CSMD1: variants seen among roughly 807,000 people sequenced by gnomAD.
CSMD1 encodes the protein CUB and sushi domain-containing protein 1.
A neutral mutation model predicts 417.5 loss-of-function variants in CSMD1; 213 were observed. That is an observed-to-expected ratio of 0.51 (90% CI 0.46 to 0.57). The LOEUF (loss-of-function observed/expected upper bound fraction) is 0.57. CSMD1 is among the 20% of genes least tolerant of loss of function. The pLI is 0.00. For synonymous variants in CSMD1, 2,862 were observed against 1,736.8 expected, an observed-to-expected ratio of 1.65 and a Z score of -16.11; for missense variants, 6,923 against 4,529.7, an observed-to-expected ratio of 1.53 and a Z score of -15.17.
chr8:3,501,569 G>A (rs960874475), intron 10 of CSMD1, among the ~76,000 whole-genome samples: 1 of 152,096 alleles, frequency 6.6e-6, no homozygotes, highest in African/African-American at 2.4e-5. Context: ...AAATTAATGG[G>A]TTAGAAATGA....
intron 1 of CSMD1, among the ~76,000 whole-genome samples, chr8:4,695,470 C>T (rs1440307229): frequency 6.6e-6 from 1 of 152,240 alleles, no homozygotes; most frequent in African/African-American, 2.4e-5. Context: ...TCAGTTGTTG[C>T]CTCTCCTTTA....
intron 6 of CSMD1, among the ~76,000 whole-genome samples, chr8:3,744,745 G>C (rs1796983597): frequency 1.3e-5 from 2 of 152,208 alleles, no homozygotes; most frequent in Non-Finnish European, 2.9e-5. Flanking sequence ...TACAGCATTA[G>C]GGTAATGTAG....
rs1288244692 is a variant in CSMD1 at position 3,411,853 on chromosome 8, T to TAC, written c.1562-2249_1562-2248insGT. Among the ~76,000 whole-genome samples, 697 of 137,590 alleles carry TAC rather than the reference T, an allele frequency of 5.1e-3. 253 individuals are homozygous for TAC. The highest frequency in any genetic ancestry group is 8.0e-3 in the Middle Eastern group (2 of 250). The allele number at this position is 137,590 out of a possible 152,430, so 90.3% of individuals were successfully genotyped here. On this transcript the variant is annotated intron_variant, in intron 12 of 69. Coordinates refer to ENST00000635120, the MANE Select transcript of CSMD1 (RefSeq NM_033225.6). ...ATATATGCACGTATATATGCACGTA[T>TAC]ATATGCACGTATATATGCACGTATA...
chr8:4,176,312 T>C (rs776734293), intron 3 of CSMD1, among the ~76,000 whole-genome samples: 1 of 152,156 alleles, frequency 6.6e-6, no homozygotes, highest in African/African-American at 2.4e-5. Context: ...ATCTTATCTA[T>C]ATTGTTTGCT....
intron 3 of CSMD1, among the ~76,000 whole-genome samples, chr8:4,263,633 T>G (rs770053226): frequency 2.4e-4 from 37 of 152,320 alleles, no homozygotes; most frequent in Admixed American, 1.8e-3. Context: ...TAGGAAACCA[T>G]ATCATCTTAG....
intron 1 of CSMD1, among the ~76,000 whole-genome samples, chr8:4,679,293 C>A (rs1308078455): frequency 6.6e-6 from 1 of 152,154 alleles, no homozygotes; most frequent in African/African-American, 2.4e-5. Context: ...CCTTACTCTG[C>A]AGATGCATGA....
chr8:4,376,066 G>A (rs920315903), intron 3 of CSMD1, among the ~76,000 whole-genome samples: 1 of 152,132 alleles, frequency 6.6e-6, no homozygotes, highest in East Asian at 1.9e-4. Context: ...AGCTAGAGAA[G>A]AAAATTTCCA....
chr8:3,626,413 T>C (rs1170892847), intron 7 of CSMD1, among the ~76,000 whole-genome samples: 1 of 152,204 alleles, frequency 6.6e-6, no homozygotes, highest in African/African-American at 2.4e-5. Context: ...TTACTTTGCA[T>C]AGAATCTGTA....
intron 26 of CSMD1, among the ~76,000 whole-genome samples, chr8:3,246,748 C>A (rs1445803042): frequency 6.6e-6 from 1 of 152,176 alleles, no homozygotes; most frequent in Non-Finnish European, 1.5e-5. Context: ...GCTGCGATTA[C>A]AGGTGTGAAC....
chr8:3,332,042 T>C (rs79797462), intron 23 of CSMD1, among the ~76,000 whole-genome samples: 2,120 of 152,264 alleles, frequency 0.014, 24 homozygotes, highest in Non-Finnish European at 0.021. Context: ...AGAATGATAA[T>C]AGATCATAGA....
intron 1 of CSMD1, among the ~76,000 whole-genome samples, chr8:4,922,942 G>A (rs1345895826): frequency 6.6e-6 from 1 of 152,106 alleles, no homozygotes; most frequent in Non-Finnish European, 1.5e-5. Context: ...TGGTGTATAT[G>A]CATATTACAC....
chr8:3,193,963 T>G (rs991316866), intron 33 of CSMD1, among the ~76,000 whole-genome samples: 2 of 152,152 alleles, frequency 1.3e-5, no homozygotes, highest in Admixed American at 1.3e-4. Context: ...TAAATCTGAG[T>G]GCATGTAGGA....
intron 12 of CSMD1, among the ~76,000 whole-genome samples, chr8:3,437,924 A>G (rs1814680177): frequency 2.0e-5 from 3 of 151,986 alleles, no homozygotes; most frequent in African/African-American, 4.8e-5. Context: ...ATTCTTTAGT[A>G]GAGACAGGGT....
intron 12 of CSMD1, among the ~76,000 whole-genome samples, chr8:3,417,581 C>G (rs138474863): frequency 6.6e-6 from 1 of 152,300 alleles, no homozygotes; most frequent in African/African-American, 2.4e-5. Context: ...GCTGCCATAG[C>G]TACTACATGC....
chr8:4,759,208 A>T (rs969336672), intron 1 of CSMD1, among the ~76,000 whole-genome samples: 5 of 152,154 alleles, frequency 3.3e-5, no homozygotes, highest in African/African-American at 1.2e-4. Context: ...TTGAGGCCAG[A>T]GGCTCTGGTC....
chr8:4,479,096 G>C (rs1003440834), intron 2 of CSMD1, among the ~76,000 whole-genome samples: 1 of 152,104 alleles, frequency 6.6e-6, no homozygotes, highest in Non-Finnish European at 1.5e-5. Flanking sequence ...ATAAGACACA[G>C]TTATATCTAT....
intron 5 of CSMD1, among the ~76,000 whole-genome samples, chr8:3,779,887 T>A (rs943841115): frequency 1.1e-4 from 17 of 152,218 alleles, no homozygotes; most frequent in Non-Finnish European, 2.1e-4. Flanking sequence ...GTTTCATTTA[T>A]TTTTTTCTCT....
intron 12 of CSMD1, among the ~76,000 whole-genome samples, chr8:3,412,010 A>G (rs1016552414): frequency 1.0e-4 from 4 of 38,898 alleles, no homozygotes; most frequent in Non-Finnish European, 1.0e-4. Context: ...ACACGTATAT[A>G]TATACATATA....
chr8:4,320,865 A>G (rs142186327), intron 3 of CSMD1, among the ~76,000 whole-genome samples: 2,141 of 152,232 alleles, frequency 0.014, 56 homozygotes, highest in African/African-American at 0.049. Context: ...ATTCTACTAT[A>G]AAGACACAAA....
Sources: allele counts gnomAD v4.1 joint callset (sites outside exome capture counted in the v4.1 genomes callset), GRCh38; gene constraint gnomAD v4.1.1; transcripts MANE v1.5; gene names NCBI Gene and HGNC (gene_info 2026-07-23, HGNC 2026-07-21).